Variants in XYLT1 observed in about 807,000 individuals in gnomAD.
The protein encoded by XYLT1 is beta-D-xylosyltransferase 1.
In XYLT1, 36 loss-of-function variants were observed where a neutral mutation model predicts 91.3. The observed-to-expected ratio is 0.39, with a 90% CI of 0.30 to 0.52. XYLT1 has a LOEUF of 0.52. Ranked by LOEUF, XYLT1 falls within the 20% of genes least tolerant of loss-of-function variation. XYLT1 has a pLI of 0.68. For synonymous variants in XYLT1, 588 were observed against 532.0 expected (o/e 1.11, Z -1.45); for missense variants, 1,242 against 1,284.5 (o/e 0.97, Z 0.51).
intron 2 of XYLT1, among the ~76,000 whole-genome samples, chr16:17,329,083 C>T (rs972919965): frequency 6.6e-6 from 1 of 152,192 alleles, no homozygotes; most frequent in East Asian, 1.9e-4. Flanking sequence ...TAGCAGGCCA[C>T]GTGATCTCTC....
At chr16:17,351,036 C>T (rs536499507) in intron 2 of XYLT1, among the ~76,000 whole-genome samples, 7 of 152,098 alleles carry the variant, frequency 4.6e-5, no homozygotes, top group Non-Finnish European at 8.8e-5. Flanking sequence ...TTTTTTTTAA[C>T]TCTGCACATT....
At chr16:17,416,218 T>C (rs1435400950) in intron 1 of XYLT1, among the ~76,000 whole-genome samples, 1 of 152,178 alleles carries the variant, frequency 6.6e-6, no homozygotes, top group Non-Finnish European at 1.5e-5. Context: ...TCTCCAGACA[T>C]TGCCAGATAA....
At chr16:17,222,193 T>A (rs2032981277) in intron 3 of XYLT1, among the ~76,000 whole-genome samples, 1 of 152,132 alleles carries the variant, frequency 6.6e-6, no homozygotes, top group East Asian at 1.9e-4. Flanking sequence ...TAGAGGAACA[T>A]TTATATTTTA....
chr16:17,222,843 C>G (rs1415129152), intron 3 of XYLT1, among the ~76,000 whole-genome samples: 1 of 151,342 alleles, frequency 6.6e-6, no homozygotes, highest in Non-Finnish European at 1.5e-5. Context: ...AGATCACCAC[C>G]CTGGCAGTAT....
chr16:17,415,628 G>A (rs1440289925), intron 1 of XYLT1, among the ~76,000 whole-genome samples: 1 of 152,102 alleles, frequency 6.6e-6, no homozygotes, highest in South Asian at 2.1e-4. Context: ...GGAGGCAGAG[G>A]TTGCAGTGAG....
chr16:17,288,862 T>C (rs1252504625), intron 2 of XYLT1, among the ~76,000 whole-genome samples: 2 of 152,094 alleles, frequency 1.3e-5, no homozygotes, highest in African/African-American at 4.8e-5. Context: ...CCAAAGACTC[T>C]TGAACAGTAA....
intron 3 of XYLT1, among the ~76,000 whole-genome samples, chr16:17,253,815 T>C (rs2033582206): frequency 7.2e-6 from 1 of 138,280 alleles, no homozygotes; most frequent in African/African-American, 2.8e-5. Flanking sequence ...TTCTTCTCCC[T>C]TGCAACTTGA....
intron 5 of XYLT1, among the ~76,000 whole-genome samples, chr16:17,187,525 C>T (rs545079083): frequency 5.1e-5 from 7 of 136,264 alleles, no homozygotes; most frequent in Non-Finnish European, 9.0e-5. Flanking sequence ...CAAGATCGCA[C>T]CACTGTACTC....
intron 9 of XYLT1, among the ~76,000 whole-genome samples, chr16:17,132,621 G>A (rs1032644001): frequency 1.3e-5 from 2 of 148,246 alleles, no homozygotes; most frequent in African/African-American, 5.3e-5. Context: ...GGAATAACAA[G>A]GCTGGGCGCA....
chr16:17,231,742 T>C (rs1217983427), intron 3 of XYLT1, among the ~76,000 whole-genome samples: 1 of 152,046 alleles, frequency 6.6e-6, no homozygotes, highest in Non-Finnish European at 1.5e-5. Context: ...TAAGCATATC[T>C]AAACATAGAA....
chr16:17,298,159 C>T (rs2034340756), intron 2 of XYLT1, among the ~76,000 whole-genome samples: 3 of 152,134 alleles, frequency 2.0e-5, no homozygotes, highest in African/African-American at 7.2e-5. Flanking sequence ...AAAACCAGAC[C>T]CTCCCTTACA....
intron 3 of XYLT1, among the ~76,000 whole-genome samples, chr16:17,220,862 C>T (rs999525202): frequency 6.6e-6 from 1 of 152,174 alleles, no homozygotes; most frequent in Non-Finnish European, 1.5e-5. Context: ...GAGATCTCAC[C>T]CTGGGCAGAA....
intron 1 of XYLT1, among the ~76,000 whole-genome samples, chr16:17,437,619 A>G (rs1173127250): frequency 6.6e-6 from 1 of 152,124 alleles, no homozygotes; most frequent in Non-Finnish European, 1.5e-5. Flanking sequence ...TCCAACAAGA[A>G]TAACAGCCTA....
chr16:17,203,098 C>G (rs931145816), intron 3 of XYLT1, among the ~76,000 whole-genome samples: 1 of 152,182 alleles, frequency 6.6e-6, no homozygotes, highest in African/African-American at 2.4e-5. Context: ...GATTCAAACA[C>G]AGGTCTGATT....
chr16:17,460,598 G>GA (rs1162706772), intron 1 of XYLT1, among the ~76,000 whole-genome samples: 5 of 152,180 alleles, frequency 3.3e-5, no homozygotes, highest in Non-Finnish European at 7.3e-5. Flanking sequence ...GCCAAGAGGG[G>GA]CCAGCCAGGT....
At chr16:17,119,051 A>G (rs1341750850) in intron 10 of XYLT1, among the ~76,000 whole-genome samples, 1 of 152,156 alleles carries the variant, frequency 6.6e-6, no homozygotes, top group Non-Finnish European at 1.5e-5. Flanking sequence ...AGTGGTGATA[A>G]GCACTATCTC....
chr16:17,382,606 A>G (rs960534641), intron 1 of XYLT1, among the ~76,000 whole-genome samples: 1 of 151,858 alleles, frequency 6.6e-6, no homozygotes, highest in Non-Finnish European at 1.5e-5. Context: ...CAAGAGTGCA[A>G]CCAGCACAGC....
Position 17,251,596 on chromosome 16 carries a change from C to A in XYLT1, c.913+7392G>T, listed in dbSNP as rs539765442. Among the ~76,000 whole-genome samples the A allele has an allele frequency of 5.9e-5, 9 of 152,276 alleles. No homozygotes were observed. The South Asian group carries it at 1.9e-3, about 32-fold the overall frequency. On this transcript the variant is annotated intron_variant, in intron 3 of 11. Transcript: ENST00000261381. ...TTTCTTGGGACATTTTAACTCAAGA[C>A]ACAGAGAGGCTGGTGGCCGTGAGGG...
At chr16:17,379,753 T>TCACACACA (rs1221357179) in intron 1 of XYLT1, among the ~76,000 whole-genome samples, 63 of 128,772 alleles carry the variant, frequency 4.9e-4, no homozygotes, top group Non-Finnish European at 9.2e-4. Context: ...TCTCTCTCTC[T>TCACACACA]CTCTCTCTCT....
Sources: allele counts gnomAD v4.1 joint callset (sites outside exome capture counted in the v4.1 genomes callset), GRCh38; gene constraint gnomAD v4.1.1; transcripts MANE v1.5; gene names NCBI Gene and HGNC (gene_info 2026-07-23, HGNC 2026-07-21).